B3GNT5: variants seen among roughly 807,000 people sequenced by gnomAD.
B3GNT5 encodes the protein UDP-GlcNAc:betaGal beta-1,3-N-acetylglucosaminyltransferase 5.
B3GNT5 carries 11 observed loss-of-function variants against 25.9 expected under a neutral mutation model. The observed-to-expected ratio is 0.42, with a 90% CI of 0.27 to 0.70. The LOEUF is 0.70. B3GNT5 is among the 30% of genes least tolerant of loss of function. The probability of loss-of-function intolerance (pLI) is 0.23; values close to 1 mark genes in which losing one functional copy is unlikely to be tolerated. For missense variants in B3GNT5, 385 were observed against 458.4 expected, an observed-to-expected ratio of 0.84 and a Z score of 1.46; for synonymous variants, 166 against 158.6, an observed-to-expected ratio of 1.05 and a Z score of -0.35.
Position 183,269,923 on chromosome 3 carries a change from A to G in B3GNT5, c.125A>G (p.His42Arg). 2 of 1,614,184 alleles carry G rather than the reference A, an allele frequency of 1.2e-6. No individual in the cohort carries two copies. Among genetic ancestry groups the G allele is most frequent in the Admixed American group, 3.3e-5 (2 of 60,026 alleles). Reference protein sequence around the residue: ...WEPIDNHIVSHMKSYSYRYLI... With the variant: ...WEPIDNHIVSRMKSYSYRYLI... ...CCAATCGATAATCACATTGTGAGCC[A>G]TATGAAGTCATATTCTTACAGATAC... Residue 42 changes from histidine (H) to arginine (R), a missense_variant, in exon 2 of 2, where the codon CAT becomes CGT. His to Arg is a conservative substitution (Grantham distance 29). Coordinates refer to ENST00000326505, the MANE Select transcript of B3GNT5 (RefSeq NM_032047.5).
chr3:183,256,341 G>A (rs964348629), intron 1 of B3GNT5, among the ~76,000 whole-genome samples: 10 of 152,118 alleles, frequency 6.6e-5, no homozygotes, highest in Admixed American at 2.0e-4. Context: ...CTTTCCTTAC[G>A]GTATGCAATA....
In B3GNT5 at chr3:183,271,151, A is replaced by AGGT. The variant is rs1349423364; in HGVS notation, c.*217_*219dup. ...ATTTCAAAGAATTTGTATTTAGAAA[A>AGGT]GGTTTATATTATTAGTGAAAACAAA... On this transcript the variant is annotated 3_prime_UTR_variant, in exon 2 of 2. Coordinates refer to ENST00000326505, the MANE Select transcript of B3GNT5 (RefSeq NM_032047.5). The AGGT allele has an allele frequency of 9.3e-6, 4 of 431,110 alleles. No homozygotes were observed. In the East Asian group the frequency reaches 1.6e-4, roughly 17 times the overall value. The allele number at this position is 431,110 out of a possible 1,614,324, so 26.7% of individuals were successfully genotyped here.
At chr3:183,255,444 G>T (rs923299497) in intron 1 of B3GNT5, among the ~76,000 whole-genome samples, 1 of 152,180 alleles carries the variant, frequency 6.6e-6, no homozygotes, top group East Asian at 1.9e-4. Context: ...TACTTAACCT[G>T]CTTGTCCTTC....
chr3:183,273,317 T>A lies in B3GNT5; in HGVS notation c.*2382T>A, dbSNP rs1048990514. Reference sequence around the variant, plus strand: ...AATATTTGTATTACTTGAATTTTGCTCTTGTATGGCAAAATAATTAGTGAG... The same window carrying A: ...AATATTTGTATTACTTGAATTTTGCACTTGTATGGCAAAATAATTAGTGAG... On this transcript the variant is annotated 3_prime_UTR_variant, in exon 2 of 2. Coordinates refer to ENST00000326505, the MANE Select transcript of B3GNT5 (RefSeq NM_032047.5). The A allele has an allele frequency of 1.1e-5, 3 of 277,710 alleles. No individual in the cohort carries two copies. Among genetic ancestry groups the A allele is most frequent in the African/African-American group, 2.2e-5 (1 of 45,650 alleles). The allele number at this position is 277,710 out of a possible 1,614,324, so 17.2% of individuals were successfully genotyped here.
chr3:183,262,334 C>G (rs1214810449), intron 1 of B3GNT5, among the ~76,000 whole-genome samples: 3 of 151,894 alleles, frequency 2.0e-5, no homozygotes, highest in African/African-American at 7.3e-5. Flanking sequence ...CCCAGCAGGC[C>G]CCAGTCAGCA....
chr3:183,269,230 C>CTTTTTTTTTTTTTTTTTTTTTTTTTTTTT lies in B3GNT5; in HGVS notation c.-301-250_-301-249insTTTTTTTTTTTTTTTTTTTTTTTTTTTTT, dbSNP rs60835895. On this transcript the variant is annotated intron_variant, in intron 1 of 1. Coordinates refer to ENST00000326505, the MANE Select transcript of B3GNT5 (RefSeq NM_032047.5). ...TACACGATTATAGCCGTTTGGGAAGCTTTTTTTTTTTTTTTTTTAAGAGTA... is the reference window on the plus strand; with the variant it reads ...TACACGATTATAGCCGTTTGGGAAGCTTTTTTTTTTTTTTTTTTTTTTTTTTTTTTTTTTTTTTTTTTTTTTTAAGAGTA... 1.1e-4 allele frequency among the ~76,000 whole-genome samples: 9 copies of CTTTTTTTTTTTTTTTTTTTTTTTTTTTTT among 81,004 alleles called. 3 individuals are homozygous for CTTTTTTTTTTTTTTTTTTTTTTTTTTTTT. Among genetic ancestry groups the CTTTTTTTTTTTTTTTTTTTTTTTTTTTTT allele is most frequent in the African/African-American group, 5.7e-4 (9 of 15,758 alleles). 53.1% of individuals were successfully genotyped at this position (81,004 alleles called of 152,430 possible).
intron 1 of B3GNT5, among the ~76,000 whole-genome samples, chr3:183,255,373 T>G (rs1724948215): frequency 6.6e-6 from 1 of 152,244 alleles, no homozygotes; most frequent in South Asian, 2.1e-4. Context: ...AGCTGCTTTT[T>G]GGGGCCAACT....
rs1726539490 is a variant in B3GNT5 at position 183,269,563 on chromosome 3, C to T, written c.-236C>T. On this transcript the variant is annotated 5_prime_UTR_variant, in exon 2 of 2. Transcript: ENST00000326505. ...CCCACCACGCTTCCTGAAGGATGCC[C>T]GTGTGGAAGAATTTTGACGTGCCAG... The T allele has an allele frequency of 1.1e-5, 5 of 439,330 alleles. No individual in the cohort carries two copies. The highest frequency in any genetic ancestry group is 1.1e-4 in the South Asian group (3 of 27,518). 27.2% of individuals were successfully genotyped at this position (439,330 alleles called of 1,614,324 possible).
intron 1 of B3GNT5, chr3:183,253,867 CATCTTTCCGCGGCCGA>C (rs1724749806): frequency 6.6e-6 from 1 of 152,294 alleles, no homozygotes; most frequent in South Asian, 2.1e-4. Context: ...GCCGCGGCCG[CATCTTTCCGCGGCCGA>C]GGCCTCTCTG....
chr3:183,272,836 A>C lies in B3GNT5; in HGVS notation c.*1901A>C, dbSNP rs191025704. 2 of 1,240,436 alleles carry C rather than the reference A, an allele frequency of 1.6e-6. No homozygotes were observed. The highest frequency in any genetic ancestry group is 3.1e-5 in the African/African-American group (2 of 63,668). 76.8% of individuals were successfully genotyped at this position (1,240,436 alleles called of 1,614,324 possible). ...TTTAAGGTTGCCATTGGTTGAAAAC[A>C]TAAGTGTCTCTGGCCATCAAAGTGA... On this transcript the variant is annotated 3_prime_UTR_variant, in exon 2 of 2. Transcript: ENST00000326505.
At chr3:183,264,460 T>G (rs992763247) in intron 1 of B3GNT5, among the ~76,000 whole-genome samples, 1 of 152,230 alleles carries the variant, frequency 6.6e-6, no homozygotes, top group African/African-American at 2.4e-5. Flanking sequence ...ACTACGAGTC[T>G]TGTCACAAAT....
chr3:183,260,289 A>G (rs556145771), intron 1 of B3GNT5, among the ~76,000 whole-genome samples: 2 of 152,288 alleles, frequency 1.3e-5, no homozygotes, highest in African/African-American at 4.8e-5. Flanking sequence ...GGCCTGGTAT[A>G]TAGTAGACAT....
rs980313144 is a variant in B3GNT5 at position 183,269,623 on chromosome 3, A to G, written c.-176A>G. 14 of 590,464 alleles carry G rather than the reference A, an allele frequency of 2.4e-5. No individual in the cohort carries two copies. In the African/African-American group the frequency reaches 2.5e-4, roughly 11 times the overall value. The allele number at this position is 590,464 out of a possible 1,614,324, so 36.6% of individuals were successfully genotyped here. A position where few individuals can be genotyped will look rare whatever the true frequency, so the allele number is the denominator to read the frequency against. ...TCTACAGGGTGTTCCATTCTTCCGC[A>G]ATCTCAGAAAAATGGGACTAAAAGA... On this transcript the variant is annotated 5_prime_UTR_variant, in exon 2 of 2. Coordinates refer to ENST00000326505, the MANE Select transcript of B3GNT5 (RefSeq NM_032047.5).
Position 183,273,078 on chromosome 3 carries a change from G to T in B3GNT5, c.*2143G>T. ...TGAGAAGAGTATCTGTAAATAAAAGGGTTCCAACCTTTTAAAAAAGAAGGA... is the reference window on the plus strand; with the variant it reads ...TGAGAAGAGTATCTGTAAATAAAAGTGTTCCAACCTTTTAAAAAAGAAGGA... On this transcript the variant is annotated 3_prime_UTR_variant, in exon 2 of 2. Transcript: ENST00000326505. 2 of 1,432,110 alleles carry T rather than the reference G, an allele frequency of 1.4e-6. No homozygotes were observed. The highest frequency in any genetic ancestry group is 1.9e-6 in the Non-Finnish European group (2 of 1,073,288). 88.7% of individuals were successfully genotyped at this position (1,432,110 alleles called of 1,614,324 possible). A position where few individuals can be genotyped will look rare whatever the true frequency, so the allele number is the denominator to read the frequency against.
In B3GNT5 at chr3:183,270,838, G is replaced by T. The variant is rs771581058; in HGVS notation, c.1040G>T (p.Gly347Val). Residue 347 changes from glycine to valine, a missense_variant, in exon 2 of 2, where the codon GGT becomes GTT. Coordinates refer to ENST00000326505, the MANE Select transcript of B3GNT5 (RefSeq NM_032047.5). This position sits in a 1 kb window ranked among gnomAD's most constrained non-coding sequence, Gnocchi z 4.5. ...TDPKVKTISK[G>V]FFGQIYCRLM... Reference sequence around the variant, plus strand: ...CCTAAAGTAAAAACCATTTCCAAAGGTTTTTTTGGTCAAATATACTGCAGA... The same window carrying T: ...CCTAAAGTAAAAACCATTTCCAAAGTTTTTTTTGGTCAAATATACTGCAGA... 1.2e-6 allele frequency: 2 copies of T among 1,613,692 alleles called. No homozygotes were observed. The highest frequency in any genetic ancestry group is 1.7e-6 in the Non-Finnish European group (2 of 1,179,878).
intron 1 of B3GNT5, among the ~76,000 whole-genome samples, chr3:183,264,087 A>G (rs1725872446): frequency 6.6e-6 from 1 of 152,150 alleles, no homozygotes; most frequent in Admixed American, 6.5e-5. Context: ...TGAGCAAGGG[A>G]GTTACTATAA....
rs1361209412 is a variant in B3GNT5 at position 183,267,835 on chromosome 3, T to C, written c.-301-1663T>C. ...CCGAGGTGGCACCTGGCTAGGGTCC[T>C]GACCTCCAATCCTTCCCCAGTAACC... On this transcript the variant is annotated intron_variant, in intron 1 of 1. Coordinates refer to ENST00000326505, the MANE Select transcript of B3GNT5 (RefSeq NM_032047.5). The surrounding 1 kb of genome is among the most constrained non-coding windows in gnomAD (Gnocchi z 5.5). Among the ~76,000 whole-genome samples the C allele has an allele frequency of 6.6e-6, 1 of 152,192 alleles. No homozygotes were observed. The highest frequency in any genetic ancestry group is 1.5e-5 in the Non-Finnish European group (1 of 68,028).
intron 1 of B3GNT5, among the ~76,000 whole-genome samples, chr3:183,257,486 TA>T (rs1489362041): frequency 3.9e-5 from 6 of 152,354 alleles, no homozygotes; most frequent in African/African-American, 1.4e-4. Flanking sequence ...ATATACGTAT[TA>T]ACCTACTTTC....
rs138120047 is a variant in B3GNT5, at chr3:183,260,187, A to G, written c.-302+6715A>G. 1.7e-4 allele frequency among the ~76,000 whole-genome samples: 26 copies of G among 152,242 alleles called. No individual in the cohort carries two copies. In the East Asian group the frequency reaches 4.4e-3, roughly 26 times the overall value. On this transcript the variant is annotated intron_variant, in intron 1 of 1. Coordinates refer to ENST00000326505, the MANE Select transcript of B3GNT5 (RefSeq NM_032047.5). ...TAACTCGGTATCTCGATGCCTCAGT[A>G]TCTTCTGCAAAATGTGGAGGGAGAT...
Sources: allele counts gnomAD v4.1 joint callset (sites outside exome capture counted in the v4.1 genomes callset), GRCh38; gene constraint gnomAD v4.1.1; non-coding constraint Gnocchi (gnomAD v3.1); transcripts MANE v1.5; gene names NCBI Gene and HGNC (gene_info 2026-07-23, HGNC 2026-07-21).